GPR179: variants seen among roughly 807,000 people sequenced by gnomAD.
The protein encoded by GPR179 is probable G protein-coupled receptor 179.
A neutral mutation model predicts 70.8 loss-of-function variants in GPR179; 52 were observed. That is an observed-to-expected ratio of 0.73 (90% confidence interval 0.59 to 0.93). GPR179 has a LOEUF of 0.93. Among genes scored for constraint, GPR179 ranks in the 40% least tolerant of loss-of-function variants. GPR179 has a pLI of 0.00. For synonymous variants in GPR179, 1,123 were observed against 1,169.0 expected (o/e 0.96, Z 0.80); for missense variants, 2,734 against 2,966.8 (o/e 0.92, Z 1.82).
At position 38,326,807 on chromosome 17, in the gene GPR179, A is replaced by G. The variant is rs2037290591; in HGVS notation, c.6762T>C (p.Ser2254=). Residue 2254 remains serine, a synonymous_variant, in exon 11 of 11, where the codon TCT becomes TCC. Coordinates refer to ENST00000616987, the MANE Select transcript of GPR179 (RefSeq NM_001004334.4). ...GAGTTGCTGTTAAAGCCAGGAGGCC[A>G]GATTCCTCAGATGGGACTCCAGTTT... ...GEETGVPSEE[S]GLLALTATRR... 1 of 1,614,236 alleles carries G rather than the reference A, an allele frequency of 6.2e-7. No individual in the cohort carries two copies. Among genetic ancestry groups the G allele is most frequent in the South Asian group, 1.1e-5 (1 of 91,084 alleles).
In GPR179 at chr17:38,331,447, G is replaced by C; in HGVS notation, c.2122C>G (p.Arg708Gly). 3.1e-6 allele frequency: 5 copies of C among 1,614,162 alleles called. No homozygotes were observed. The highest frequency in any genetic ancestry group is 4.2e-6 in the Non-Finnish European group (5 of 1,180,012). The change falls in exon 11 of 11, where the codon CGA (arginine) becomes GGA (glycine). Residue 708 changes from arginine (R) to glycine (G), a missense_variant. Coordinates refer to ENST00000616987, the MANE Select transcript of GPR179 (RefSeq NM_001004334.4). ...AANNPHLPKKRGSSCQGLGRS... is the reference protein window; with the variant it reads ...AANNPHLPKKGGSSCQGLGRS... ...CCCAGTCCCTGGCATGAGCTGCCTC[G>C]CTTCTTGGGCAGGTGGGGGTTGTTT...
In GPR179 at chr17:38,343,720, A is replaced by G. The variant is rs1174470723; in HGVS notation, c.70T>C (p.Trp24Arg). Residue 24 changes from tryptophan (W) to arginine (R), a missense_variant, in exon 1 of 11, where the codon TGG becomes CGG. Physicochemically the swap from Trp to Arg is moderately radical, Grantham distance 101. Coordinates refer to ENST00000616987, the MANE Select transcript of GPR179 (RefSeq NM_001004334.4). The surrounding 1 kb of genome is among the most constrained non-coding windows in gnomAD (Gnocchi z 4.2). ...ATGGGCCGTGGACCCCCCAGAGCCC[A>G]GGCACAGACAAAACAGCAGCCCAGC... is the stretch of plus-strand genomic sequence containing the variant. Reference protein sequence around the residue: ...GLLGCCFVCAWALGGPRPIRS... With the variant: ...GLLGCCFVCARALGGPRPIRS... 6.4e-7 allele frequency: 1 copy of G among 1,574,420 alleles called. No homozygotes were observed. The highest frequency in any genetic ancestry group is 8.6e-7 in the Non-Finnish European group (1 of 1,158,936).
At chr17:38,342,175 G>A (rs910513720) in intron 1 of GPR179, among the ~76,000 whole-genome samples, 1 of 151,974 alleles carries the variant, frequency 6.6e-6, no homozygotes, top group African/African-American at 2.4e-5. Flanking sequence ...TCAGTTGCTA[G>A]AGAGCAGTAG....
In GPR179 at chr17:38,326,469, T is replaced by A; in HGVS notation, c.7100A>T (p.Glu2367Val). The change falls in exon 11 of 11, where the codon GAG (glutamate) becomes GTG (valine). Residue 2367 changes from glutamate to valine, a missense_variant. By Grantham distance (121) the Glu-to-Val change is moderately radical. Transcript: ENST00000616987. ...TPPTVYPWDW[E>V] ...TGACCTCACCTAATAAGGCTGTTAC[T>A]CCCAATCCCAAGGATAGACAGTGGG... 1 of 1,600,582 alleles carries A rather than the reference T, an allele frequency of 6.2e-7. No individual in the cohort carries two copies. The highest frequency in any genetic ancestry group is 8.5e-7 in the Non-Finnish European group (1 of 1,171,096).
At chr17:38,341,442 T>C (rs1452048571) in intron 1 of GPR179, among the ~76,000 whole-genome samples, 2 of 152,214 alleles carry the variant, frequency 1.3e-5, no homozygotes, top group Admixed American at 1.3e-4. Context: ...GCAAAGGAGA[T>C]ATGAAATAGA....
At position 38,328,795 on chromosome 17, in the gene GPR179, T is replaced by C; in HGVS notation, c.4774A>G (p.Ile1592Val). 1 of 1,613,886 alleles carries C rather than the reference T, an allele frequency of 6.2e-7. No individual in the cohort carries two copies. The highest frequency in any genetic ancestry group is 1.1e-5 in the South Asian group (1 of 91,060). ...CTTTCATTTACCTCCCAGGGACAGA[T>C]TTCTGTTTTGGCAGGTGTTGCTTCC... ...AQEATPAKTE[I>V]CPWEVNERTR... The change falls in exon 11 of 11, where the codon ATC (isoleucine) becomes GTC (valine). Residue 1592 changes from isoleucine to valine, a missense_variant. Physicochemically the swap from Ile to Val is conservative, Grantham distance 29. Coordinates refer to ENST00000616987, the MANE Select transcript of GPR179 (RefSeq NM_001004334.4).
chr17:38,340,036 C>T (rs759879096), intron 1 of GPR179, among the ~76,000 whole-genome samples: 2 of 152,222 alleles, frequency 1.3e-5, no homozygotes, highest in Non-Finnish European at 2.9e-5. Flanking sequence ...TGGTCTACTA[C>T]CATTAGATCA....
chr17:38,336,998 A>G lies in GPR179; in HGVS notation c.1207T>C (p.Tyr403His). The G allele has an allele frequency of 1.2e-6, 2 of 1,603,488 alleles. No homozygotes were observed. The highest frequency in any genetic ancestry group is 8.5e-7 in the Non-Finnish European group (1 of 1,176,128). Residue 403 changes from tyrosine to histidine, a missense_variant, in exon 4 of 11, where the codon TAC (tyrosine) becomes CAC (histidine). Coordinates refer to ENST00000616987, the MANE Select transcript of GPR179 (RefSeq NM_001004334.4). The stretch of plus-strand genomic sequence containing the variant: ...CTTGCCTTGTTCCGGCGGCAGCGGT[A>G]GGAGACCAGCATGCTCAGGAAGATG... ...LAIFLSMLVS[Y>H]RCRRNKRIWA...
rs1567721837 is a variant in GPR179 at position 38,327,218 on chromosome 17, C to CCA, written c.6349_6350dup (p.Trp2117CysfsTer5). On this transcript the variant is annotated frameshift_variant, in exon 11 of 11. Coordinates refer to ENST00000616987, the MANE Select transcript of GPR179 (RefSeq NM_001004334.4). LOFTEE classifies it low-confidence loss of function (END_TRUNC). The stretch of plus-strand genomic sequence containing the variant: ...TGGCAGAGGGAGCCTCTACCACTTC[C>CCA]CACAGACACACTTCCGCTACCCTGG... 1 of 1,614,252 alleles carries CCA rather than the reference C, an allele frequency of 6.2e-7. No homozygotes were observed. Among genetic ancestry groups the CCA allele is most frequent in the Non-Finnish European group, 8.5e-7 (1 of 1,180,036 alleles).
At chr17:38,336,243 G>C (rs1037991181) in intron 4 of GPR179, 99 bp from the exon 5 acceptor site, 26 of 833,940 alleles carry the variant, frequency 3.1e-5, no homozygotes, top group Non-Finnish European at 5.1e-5. Flanking sequence ...CTGAGCTAAG[G>C]CTTCACCCTG....
chr17:38,336,205 G>A, intron 4 of GPR179, 61 bp from the exon 5 acceptor site: 1 of 1,158,446 alleles, frequency 8.6e-7, no homozygotes, highest in Non-Finnish European at 1.3e-6. Context: ...GAGGCTCTCA[G>A]GCCTATGTGA....
At chr17:38,342,141 C>T (rs994505613) in intron 1 of GPR179, among the ~76,000 whole-genome samples, 2 of 152,014 alleles carry the variant, frequency 1.3e-5, no homozygotes, top group African/African-American at 2.4e-5. Flanking sequence ...TTTCCTTCTC[C>T]GGGGAAGCCT....
intron 1 of GPR179, among the ~76,000 whole-genome samples, chr17:38,341,082 A>G (rs1226055393): frequency 1.3e-5 from 2 of 152,184 alleles, no homozygotes; most frequent in African/African-American, 4.8e-5. Flanking sequence ...AGATCTGGGG[A>G]CAATGCAGTC....
chr17:38,327,756 T>C lies in GPR179; in HGVS notation c.5813A>G (p.Asp1938Gly), dbSNP rs1377649563. 5.0e-6 allele frequency: 8 copies of C among 1,614,052 alleles called. No individual in the cohort carries two copies. The highest frequency in any genetic ancestry group is 6.8e-6 in the Non-Finnish European group (8 of 1,180,038). Residue 1938 changes from aspartate to glycine, a missense_variant, in exon 11 of 11, where the codon GAC becomes GGC. Asp to Gly is a moderately conservative substitution (Grantham distance 94). Transcript: ENST00000616987. ...ATCTTCAGTAGTGAATTCTTCTGTG[T>C]CTGCAGCTGGAGCTTTTTCTTGGGT... is the stretch of plus-strand genomic sequence containing the variant. ...HITQEKAPAADTEEFTTEDGE... is the reference protein window; with the variant it reads ...HITQEKAPAAGTEEFTTEDGE...
intron 2 of GPR179, 193 bp downstream of exon 2, chr17:38,339,224 G>A: frequency 3.8e-6 from 2 of 531,854 alleles, no homozygotes; most frequent in East Asian, 6.5e-5. Context: ...AGGGGGTGGG[G>A]GGGCAGGCTG....
Position 38,330,335 on chromosome 17 carries a change from A to G in GPR179, c.3234T>C (p.Pro1078=). 1 of 1,613,960 alleles carries G rather than the reference A, an allele frequency of 6.2e-7. No homozygotes were observed. Among genetic ancestry groups the G allele is most frequent in the Non-Finnish European group, 8.5e-7 (1 of 1,179,916 alleles). The change falls in exon 11 of 11, where the codon CCT becomes CCC. Residue 1078 remains proline, a synonymous_variant. Coordinates refer to ENST00000616987, the MANE Select transcript of GPR179 (RefSeq NM_001004334.4). The part of the protein sequence containing the change: ...IFPKSHSLKA[P]VQQGSMRSLG... ...GGCTGCGCATGGAACCCTGCTGAAC[A>G]GGGGCCTTGAGGCTGTGGGATTTAG...
At position 38,334,802 on chromosome 17, in the gene GPR179, G is replaced by A. The variant is rs751354768; in HGVS notation, c.1686C>T (p.Tyr562=). The A allele has an allele frequency of 6.8e-6, 11 of 1,613,112 alleles. No homozygotes were observed. Among genetic ancestry groups the A allele is most frequent in the Middle Eastern group, 1.6e-4 (1 of 6,070 alleles). The part of the protein sequence containing the change: ...LLLCWGSFLC[Y]ATRAVLSAFH... ...AGGCCGAGAGCACAGCCCGTGTGGCGTAGCAGAGGAAGCTGCCCCAGCACA... is the reference window on the plus strand; with the variant it reads ...AGGCCGAGAGCACAGCCCGTGTGGCATAGCAGAGGAAGCTGCCCCAGCACA... The change falls in exon 8 of 11, where the codon TAC becomes TAT. Residue 562 remains tyrosine (Y), a synonymous_variant. Coordinates refer to ENST00000616987, the MANE Select transcript of GPR179 (RefSeq NM_001004334.4). The surrounding 1 kb of genome is among the most constrained non-coding windows in gnomAD (Gnocchi z 4.7).
chr17:38,330,091 G>A lies in GPR179; in HGVS notation c.3478C>T (p.His1160Tyr). 6.2e-7 allele frequency: 1 copy of A among 1,613,674 alleles called. No individual in the cohort carries two copies. The highest frequency in any genetic ancestry group is 8.5e-7 in the Non-Finnish European group (1 of 1,179,750). ...CAGACTTGGAGCATCCTGCTGGTGT[G>A]AGCGTTCTGTTGGTTCTGGAGGGAC... ...KESLQNQQNAHTSRMLQVCQR... is the reference protein window; with the variant it reads ...KESLQNQQNAYTSRMLQVCQR... Residue 1160 changes from histidine (H) to tyrosine (Y), a missense_variant, in exon 11 of 11, where the codon CAC becomes TAC. Transcript: ENST00000616987.
At chr17:38,337,343 G>A in intron 3 of GPR179, 130 bp from the exon 4 acceptor site, 12 of 1,312,604 alleles carry the variant, frequency 9.1e-6, no homozygotes, top group Non-Finnish European at 1.0e-5. Context: ...GGACAAGTGG[G>A]AATGGGTGCT....
Sources: allele counts gnomAD v4.1 joint callset (sites outside exome capture counted in the v4.1 genomes callset), GRCh38; gene constraint gnomAD v4.1.1; non-coding constraint Gnocchi (gnomAD v3.1); transcripts MANE v1.5; gene names NCBI Gene and HGNC (gene_info 2026-07-23, HGNC 2026-07-21).